The following CACHD1 variants were observed in gnomAD, a reference collection of about 807,000 sequenced individuals.
The protein encoded by CACHD1 is cache domain containing 1.
In CACHD1, 71 loss-of-function variants were observed where a neutral mutation model predicts 138.7. The observed-to-expected ratio is 0.51, with a 90% CI of 0.42 to 0.62. CACHD1 has a LOEUF of 0.62. Ranked by LOEUF, CACHD1 falls within the 20% of genes least tolerant of loss-of-function variation. The probability of loss-of-function intolerance (pLI) is 0.00; values close to 1 mark genes in which losing one functional copy is unlikely to be tolerated. For missense variants in CACHD1, 1,389 were observed against 1,625.3 expected (o/e 0.85, Z 2.50); for synonymous variants, 578 against 591.5 (o/e 0.98, Z 0.33).
At chr1:64,639,517 T>G (rs1427113943) in intron 7 of CACHD1, among the ~76,000 whole-genome samples, 1 of 152,206 alleles carries the variant, frequency 6.6e-6, no homozygotes, top group Non-Finnish European at 1.5e-5. Flanking sequence ...TAGAGAATGT[T>G]CAGGTATCAA....
intron 1 of CACHD1, among the ~76,000 whole-genome samples, chr1:64,473,061 G>C (rs1298750467): frequency 6.6e-6 from 1 of 152,152 alleles, no homozygotes; most frequent in Non-Finnish European, 1.5e-5. Flanking sequence ...GCTCTGATCG[G>C]TGGGGGGTTT....
At chr1:64,560,885 A>G (rs1410450835) in intron 2 of CACHD1, among the ~76,000 whole-genome samples, 1 of 152,168 alleles carries the variant, frequency 6.6e-6, no homozygotes, top group East Asian at 1.9e-4. Flanking sequence ...ATTTAAGATT[A>G]TGTCTTCCTG....
intron 1 of CACHD1, among the ~76,000 whole-genome samples, chr1:64,523,151 A>G (rs1231135090): frequency 6.6e-6 from 1 of 152,220 alleles, no homozygotes; most frequent in African/African-American, 2.4e-5. Flanking sequence ...TATTTTACAA[A>G]GAGTCCTTAT....
At chr1:64,641,796 T>C in intron 7 of CACHD1, 24 bp from the exon 8 acceptor site, 2 of 1,507,984 alleles carry the variant, frequency 1.3e-6, no homozygotes, top group Non-Finnish European at 1.8e-6. Flanking sequence ...AAAGAGAGCA[T>C]TCAATTGATG....
chr1:64,549,598 A>T (rs993459846), intron 1 of CACHD1, among the ~76,000 whole-genome samples: 4 of 152,068 alleles, frequency 2.6e-5, no homozygotes, highest in Non-Finnish European at 5.9e-5. Context: ...GGCTTCACTT[A>T]TCTTCTGTAC....
rs367833622 is a variant in CACHD1, at chr1:64,658,748, C to A, written c.1826C>A (p.Pro609Gln). The A allele has an allele frequency of 1.7e-5, 28 of 1,611,650 alleles. No homozygotes were observed. The highest frequency in any genetic ancestry group is 2.3e-5 in the Non-Finnish European group (27 of 1,178,848). The change falls in exon 13 of 27, where the codon CCA (proline) becomes CAA (glutamine). Residue 609 changes from proline to glutamine, a missense_variant. Physicochemically the swap from Pro to Gln is moderately conservative, Grantham distance 76 (BLOSUM62 -1). This residue lies in a region of CACHD1 where 1,000 missense variants were observed against 1,114.7 expected (regional missense o/e 0.90). Coordinates refer to ENST00000651257, the MANE Select transcript of CACHD1 (RefSeq NM_020925.4). ...SFILCIVVIQPEIPVKQLKNL... is the reference protein window; with the variant it reads ...SFILCIVVIQQEIPVKQLKNL... ...ATTCTGTGTATTGTGGTGATACAAC[C>A]AGAAATACCTGTGAAACAACTGAAG...
At chr1:64,657,647 A>AT (rs1263617902) in intron 12 of CACHD1, among the ~76,000 whole-genome samples, 27 of 152,192 alleles carry the variant, frequency 1.8e-4, no homozygotes. Context: ...GAAGATGCAA[A>AT]TTGCTTCTGT....
chr1:64,669,902 A>G (rs1014530034), intron 16 of CACHD1, among the ~76,000 whole-genome samples: 6 of 152,228 alleles, frequency 3.9e-5, no homozygotes, highest in Non-Finnish European at 7.3e-5. Context: ...GCTATTTTTC[A>G]CCGAGGTAGC....
In CACHD1 at chr1:64,523,483, A is replaced by G. The variant is rs143340796; in HGVS notation, c.199-27111A>G. 3.8e-3 allele frequency among the ~76,000 whole-genome samples: 586 copies of G among 152,296 alleles called. 11 individuals are homozygous for G. The highest frequency in any genetic ancestry group is 0.013 in the African/African-American group (558 of 41,574). On this transcript the variant is annotated intron_variant, in intron 1 of 26. Coordinates refer to ENST00000651257, the MANE Select transcript of CACHD1 (RefSeq NM_020925.4). ...CTTTCTGAGTTTGGATGCTTGTGCT[A>G]TCTAGGTCTGGAGGAGCATTTTGAC...
At chr1:64,509,816 G>A (rs1310555577) in intron 1 of CACHD1, among the ~76,000 whole-genome samples, 1 of 152,110 alleles carries the variant, frequency 6.6e-6, no homozygotes, top group Non-Finnish European at 1.5e-5. Context: ...TTAAGACATA[G>A]CAGAGACAAT....
chr1:64,672,455 A>C (rs755299802), intron 17 of CACHD1, among the ~76,000 whole-genome samples: 50 of 152,042 alleles, frequency 3.3e-4, no homozygotes, highest in Admixed American at 7.2e-4. Context: ...AGATATTTTT[A>C]TAGAGACAGA....
rs769384648 is a variant in CACHD1 at position 64,671,623 on chromosome 1, A to T, written c.2447A>T (p.Tyr816Phe). 6.2e-7 allele frequency: 1 copy of T among 1,613,726 alleles called. No homozygotes were observed. The highest frequency in any genetic ancestry group is 8.5e-7 in the Non-Finnish European group (1 of 1,179,670). Residue 816 changes from tyrosine (Y) to phenylalanine (F), a missense_variant, in exon 17 of 27, where the codon TAC becomes TTC. Tyr to Phe is a conservative substitution (Grantham distance 22). Transcript: ENST00000651257. ...AVMGIDFTLR[Y>F]FYKVLMDLLP... The stretch of plus-strand genomic sequence containing the variant: ...ATGGGCATTGACTTCACACTCAGAT[A>T]CTTCTACAAAGTTCTGATGGACCTA...
At chr1:64,590,778 A>G (rs929111257) in intron 3 of CACHD1, among the ~76,000 whole-genome samples, 1 of 152,170 alleles carries the variant, frequency 6.6e-6, no homozygotes, top group Admixed American at 6.5e-5. Context: ...TGCAGCTACT[A>G]TGGTGCAAAA....
At chr1:64,492,655 T>TA (rs1646284503) in intron 1 of CACHD1, among the ~76,000 whole-genome samples, 8 of 152,042 alleles carry the variant, frequency 5.3e-5, no homozygotes, top group Admixed American at 5.2e-4. Context: ...CGCTGATCGT[T>TA]AGAGTTAACG....
chr1:64,553,559 A>G (rs969624239), intron 2 of CACHD1, among the ~76,000 whole-genome samples: 11 of 152,310 alleles, frequency 7.2e-5, no homozygotes, highest in African/African-American at 2.6e-4. Flanking sequence ...TGGCTTTTAA[A>G]ACAGTTGTGA....
chr1:64,673,199 C>T lies in CACHD1; in HGVS notation c.2552C>T (p.Pro851Leu), dbSNP rs1382144707. ...GACAGGGGTTATCTGGTGGCGCACC[C>T]GACTCTCATCGACCCCAAAGGACAT... ...MEDRGYLVAH[P>L]TLIDPKGHAP... Residue 851 changes from proline to leucine, a missense_variant, in exon 18 of 27, where the codon CCG becomes CTG. This residue lies in a region of CACHD1 where 1,000 missense variants were observed against 1,114.7 expected (regional missense o/e 0.90). Coordinates refer to ENST00000651257, the MANE Select transcript of CACHD1 (RefSeq NM_020925.4). The T allele has an allele frequency of 1.2e-5, 19 of 1,613,760 alleles. No individual in the cohort carries two copies. Among genetic ancestry groups the T allele is most frequent in the Admixed American group, 3.3e-5 (2 of 59,972 alleles).
rs182753790 is a variant in CACHD1, at chr1:64,666,205, A to G, written c.2387+38A>G. On this transcript the variant is annotated intron_variant, in intron 16 of 26. Coordinates refer to ENST00000651257, the MANE Select transcript of CACHD1 (RefSeq NM_020925.4). ...CTAACTTTATAGTCATTTCTTAAAT[A>G]TATCAAGGATATTTTGGAAATCTGA... is the stretch of plus-strand genomic sequence containing the variant. The G allele has an allele frequency of 1.2e-5, 16 of 1,320,854 alleles. 1 individual carries two copies. The highest frequency in any genetic ancestry group is 7.4e-5 in the Admixed American group (4 of 54,086). 81.8% of individuals were successfully genotyped at this position (1,320,854 alleles called of 1,614,324 possible).
At chr1:64,472,212 TCTC>T (rs1382220779) in intron 1 of CACHD1, among the ~76,000 whole-genome samples, 3 of 152,090 alleles carry the variant, frequency 2.0e-5, no homozygotes, top group Non-Finnish European at 4.4e-5. Flanking sequence ...CTCCTCGTCT[TCTC>T]CTTCTCTTCT....
intron 16 of CACHD1, among the ~76,000 whole-genome samples, chr1:64,667,121 T>C (rs1649661752): frequency 6.6e-6 from 1 of 152,188 alleles, no homozygotes; most frequent in Non-Finnish European, 1.5e-5. Context: ...AAGCTACAGA[T>C]GTCAGGGAAA....
Sources: allele counts gnomAD v4.1 joint callset (sites outside exome capture counted in the v4.1 genomes callset), GRCh38; gene constraint gnomAD v4.1.1; regional missense constraint gnomAD v4.1.1; transcripts MANE v1.5; gene names NCBI Gene and HGNC (gene_info 2026-07-23, HGNC 2026-07-21).